Variants in ZFAND3 observed in about 807,000 individuals in gnomAD.
The protein encoded by ZFAND3 is AN1-type zinc finger protein 3.
In ZFAND3, 10 loss-of-function variants were observed where a neutral mutation model predicts 29.6. The observed-to-expected ratio is 0.34, with a 90% CI of 0.21 to 0.57. ZFAND3 has a LOEUF of 0.57. ZFAND3 is among the 20% of genes least tolerant of loss of function. The probability of loss-of-function intolerance (pLI) is 0.86; values close to 1 mark genes in which losing one functional copy is unlikely to be tolerated. For synonymous variants in ZFAND3, 128 were observed against 112.6 expected (o/e 1.14, Z -0.87); for missense variants, 230 against 304.5 (o/e 0.76, Z 1.82).
rs573997084 is a variant in ZFAND3 at position 38,140,395 on chromosome 6, T to C, written c.530-11840T>C. On this transcript the variant is annotated intron_variant, in intron 5 of 5. Transcript: ENST00000287218. ...AGAAGGAAAACAAGGTAAGCAGATGTCACAGAGCCCACAGGAGTAGTCAGC... is the reference window on the plus strand; with the variant it reads ...AGAAGGAAAACAAGGTAAGCAGATGCCACAGAGCCCACAGGAGTAGTCAGC... Among the ~76,000 whole-genome samples the C allele has an allele frequency of 1.1e-3, 172 of 152,302 alleles. 1 individual carries two copies. In the Middle Eastern group the frequency reaches 0.014, roughly 12 times the overall value.
intron 2 of ZFAND3, among the ~76,000 whole-genome samples, chr6:37,987,582 T>TC (rs1762692099): frequency 6.6e-6 from 1 of 152,222 alleles, no homozygotes; most frequent in Admixed American, 6.5e-5. Context: ...TTGTTCCAAC[T>TC]CACCTGCAGA....
At chr6:38,070,618 C>T (rs1046967030) in intron 3 of ZFAND3, among the ~76,000 whole-genome samples, 1 of 152,084 alleles carries the variant, frequency 6.6e-6, no homozygotes, top group Non-Finnish European at 1.5e-5. Context: ...TAATATTTCA[C>T]TATTATGAGC....
intron 1 of ZFAND3, among the ~76,000 whole-genome samples, chr6:37,876,728 T>C (rs1031866324): frequency 1.3e-5 from 2 of 152,212 alleles, no homozygotes; most frequent in Non-Finnish European, 2.9e-5. Flanking sequence ...TGGAGTGTGG[T>C]TGAAAGAGCA....
At chr6:38,127,121 G>A (rs138897361) in intron 5 of ZFAND3, among the ~76,000 whole-genome samples, 1 of 152,112 alleles carries the variant, frequency 6.6e-6, no homozygotes, top group African/African-American at 2.4e-5. Flanking sequence ...TGCACCTCCA[G>A]CATAATGTTG....
At chr6:38,103,394 C>CAT (rs750386963) in intron 4 of ZFAND3, among the ~76,000 whole-genome samples, 5 of 138,120 alleles carry the variant, frequency 3.6e-5, no homozygotes, top group Non-Finnish European at 6.2e-5. Context: ...TACACACACA[C>CAT]ATATATATAC....
In ZFAND3 at chr6:38,133,749, C is replaced by CA. The variant is rs879729794; in HGVS notation, c.529+17023dup. ...TGGGTGACAGAGCAAGACTCTGTCT[C>CA]AAAAAAAAAAAAAGAGCATCATTGG... On this transcript the variant is annotated intron_variant, in intron 5 of 5. Coordinates refer to ENST00000287218, the MANE Select transcript of ZFAND3 (RefSeq NM_021943.3). Among the ~76,000 whole-genome samples the CA allele has an allele frequency of 6.6e-3, 798 of 120,688 alleles. 2 individuals are homozygous for CA. Among genetic ancestry groups the CA allele is most frequent in the African/African-American group, 0.011 (360 of 32,290 alleles). The allele number at this position is 120,688 out of a possible 152,430, so 79.2% of individuals were successfully genotyped here. A position where few individuals can be genotyped will look rare whatever the true frequency, so the allele number is the denominator to read the frequency against.
intron 2 of ZFAND3, among the ~76,000 whole-genome samples, chr6:37,994,801 G>T (rs1275857767): frequency 6.6e-6 from 1 of 152,128 alleles, no homozygotes; most frequent in Non-Finnish European, 1.5e-5. Context: ...ATTTTTGCAG[G>T]TGCTGTTGTG....
chr6:38,072,662 T>A (rs933319823), intron 3 of ZFAND3, among the ~76,000 whole-genome samples: 6 of 152,188 alleles, frequency 3.9e-5, no homozygotes, highest in African/African-American at 1.4e-4. Context: ...AAAAACATAA[T>A]GGCATTTATG....
intron 5 of ZFAND3, among the ~76,000 whole-genome samples, chr6:38,129,788 C>G (rs976707994): frequency 9.5e-5 from 13 of 136,154 alleles, no homozygotes; most frequent in African/African-American, 3.7e-4. Flanking sequence ...TTTAGACTTG[C>G]TTTGGATATG....
intron 2 of ZFAND3, among the ~76,000 whole-genome samples, chr6:37,931,183 G>GT (rs1246725590): frequency 2.0e-5 from 3 of 152,182 alleles, no homozygotes; most frequent in Non-Finnish European, 4.4e-5. Context: ...AGTTGTAGGA[G>GT]TACAGCTCAA....
In ZFAND3 at chr6:37,819,840, C is replaced by T; in HGVS notation, c.-106C>T. On this transcript the variant is annotated 5_prime_UTR_variant, in exon 1 of 6. Coordinates refer to ENST00000287218, the MANE Select transcript of ZFAND3 (RefSeq NM_021943.3). ...CGCGCGCCCGCTCCTTCCCCCTCCC[C>T]CCGCCCCGAGCCCCCCGACGCCGCC... The T allele has an allele frequency of 2.7e-6, 2 of 738,030 alleles. No homozygotes were observed. Among genetic ancestry groups the T allele is most frequent in the Middle Eastern group, 5.4e-4 (1 of 1,836 alleles). 45.7% of individuals were successfully genotyped at this position (738,030 alleles called of 1,614,324 possible).
chr6:37,983,856 T>G (rs1223519520), intron 2 of ZFAND3, among the ~76,000 whole-genome samples: 1 of 152,236 alleles, frequency 6.6e-6, no homozygotes. Flanking sequence ...CATCTAGGTT[T>G]GTGGAAGTTC....
intron 2 of ZFAND3, among the ~76,000 whole-genome samples, chr6:37,945,446 A>G (rs1033112509): frequency 2.0e-5 from 3 of 152,112 alleles, no homozygotes; most frequent in Admixed American, 6.5e-5. Flanking sequence ...CCCAGGGTGG[A>G]TTGCAGTGGT....
chr6:37,939,359 CCTT>C (rs1427615238), intron 2 of ZFAND3, among the ~76,000 whole-genome samples: 1 of 152,172 alleles, frequency 6.6e-6, no homozygotes, highest in Admixed American at 6.5e-5. Context: ...ATCCACATGG[CCTT>C]CTCCCCTGTG....
chr6:38,129,354 T>C (rs1765699762), intron 5 of ZFAND3, among the ~76,000 whole-genome samples: 1 of 152,206 alleles, frequency 6.6e-6, no homozygotes, highest in Non-Finnish European at 1.5e-5. Flanking sequence ...TTATTTTTGG[T>C]TTTATTGCAT....
At chr6:38,146,960 G>A (rs1307012884) in intron 5 of ZFAND3, among the ~76,000 whole-genome samples, 1 of 152,080 alleles carries the variant, frequency 6.6e-6, no homozygotes, top group East Asian at 1.9e-4. Flanking sequence ...AAATGTATGG[G>A]GTACATGAGA....
At chr6:37,827,201 C>G (rs1763776272) in intron 1 of ZFAND3, among the ~76,000 whole-genome samples, 1 of 152,132 alleles carries the variant, frequency 6.6e-6, no homozygotes. Flanking sequence ...TTCCTTTGGT[C>G]AGGAATGGGA....
chr6:37,953,072 G>A (rs1346839272), intron 2 of ZFAND3, among the ~76,000 whole-genome samples: 1 of 151,632 alleles, frequency 6.6e-6, no homozygotes, highest in East Asian at 1.9e-4. Context: ...GCTTTGACGT[G>A]TACTACAAGT....
chr6:38,108,840 A>G (rs1241097609), intron 4 of ZFAND3, among the ~76,000 whole-genome samples: 3 of 152,220 alleles, frequency 2.0e-5, no homozygotes, highest in East Asian at 3.8e-4. Flanking sequence ...AGTATTAACC[A>G]TTATAGTCGA....
Sources: allele counts gnomAD v4.1 joint callset (sites outside exome capture counted in the v4.1 genomes callset), GRCh38; gene constraint gnomAD v4.1.1; transcripts MANE v1.5; gene names NCBI Gene and HGNC (gene_info 2026-07-23, HGNC 2026-07-21).